CUEDC1: variants seen among roughly 807,000 people sequenced by gnomAD.
CUEDC1 encodes the protein CUE domain containing 1, also known as CUE domain-containing protein 1.
A neutral mutation model predicts 43.7 loss-of-function variants in CUEDC1; 30 were observed. The observed-to-expected ratio is 0.69, with a 90% CI of 0.51 to 0.93. The LOEUF is 0.93. CUEDC1 is among the 40% of genes least tolerant of loss of function. The pLI is 0.00. For synonymous variants in CUEDC1, 223 were observed against 223.6 expected (o/e 1.00, Z 0.02); for missense variants, 486 against 549.0 (o/e 0.89, Z 1.15).
At chr17:57,878,175 CAG>C (rs1568032267) in intron 3 of CUEDC1, among the ~76,000 whole-genome samples, 1 of 152,152 alleles carries the variant, frequency 6.6e-6, no homozygotes, top group Non-Finnish European at 1.5e-5. Context: ...CGGGAGGTGA[CAG>C]GACACAGCAG....
At chr17:57,942,033 C>G (rs1159622339) in intron 1 of CUEDC1, among the ~76,000 whole-genome samples, 1 of 152,194 alleles carries the variant, frequency 6.6e-6, no homozygotes, top group Non-Finnish European at 1.5e-5. Flanking sequence ...CATGCAACCC[C>G]TTCTTCGGTG....
intron 1 of CUEDC1, among the ~76,000 whole-genome samples, chr17:57,944,312 G>A (rs1019377614): frequency 6.6e-6 from 1 of 150,926 alleles, no homozygotes; most frequent in Non-Finnish European, 1.5e-5. Context: ...CCAGGTTCAA[G>A]TGATTCTCCT....
chr17:57,914,564 G>C (rs1241883267), intron 1 of CUEDC1, among the ~76,000 whole-genome samples: 6 of 152,194 alleles, frequency 3.9e-5, no homozygotes, highest in Admixed American at 3.9e-4. Flanking sequence ...GGGTCTGGGA[G>C]TCAGCAGTCC....
intron 1 of CUEDC1, among the ~76,000 whole-genome samples, chr17:57,905,672 A>G (rs181100474): frequency 2.2e-3 from 337 of 152,360 alleles, no homozygotes; most frequent in Non-Finnish European, 4.0e-3. Context: ...ATCCACATGC[A>G]GCCAACACCT....
intron 1 of CUEDC1, among the ~76,000 whole-genome samples, chr17:57,928,777 T>C (rs930513866): frequency 8.2e-6 from 1 of 122,130 alleles, no homozygotes; most frequent in Non-Finnish European, 1.6e-5. Flanking sequence ...CCAGCCTGCC[T>C]GGGAGACAGT....
At chr17:57,920,041 G>T (rs1451733841) in intron 1 of CUEDC1, among the ~76,000 whole-genome samples, 1 of 152,204 alleles carries the variant, frequency 6.6e-6, no homozygotes, top group Admixed American at 6.5e-5. Flanking sequence ...CAACAACGCT[G>T]CAGGAAAGAT....
At chr17:57,920,632 CT>C (rs58900177) in intron 1 of CUEDC1, among the ~76,000 whole-genome samples, 90,326 of 114,718 alleles carry the variant, frequency 0.79, 36,570 homozygotes, top group East Asian at 0.95. Context: ...TTTTTCTTTT[CT>C]TTTTTTTTTT....
chr17:57,937,815 GA>G (rs1363173300), intron 1 of CUEDC1, among the ~76,000 whole-genome samples: 2 of 152,040 alleles, frequency 1.3e-5, no homozygotes, highest in Admixed American at 6.6e-5. Context: ...GCTGAGGTGG[GA>G]AAACCCCTTG....
At chr17:57,883,766 T>C (rs1292878937) in intron 2 of CUEDC1, among the ~76,000 whole-genome samples, 2 of 152,046 alleles carry the variant, frequency 1.3e-5, no homozygotes, top group African/African-American at 4.8e-5. Context: ...ATGATACATC[T>C]AAAGCACTTA....
chr17:57,866,569 C>T, intron 9 of CUEDC1, 25 bp from the exon 10 acceptor site: 5 of 1,613,658 alleles, frequency 3.1e-6, no homozygotes, highest in Non-Finnish European at 4.2e-6. Context: ...GAAGCTGCCT[C>T]ATCCTCTACC....
chr17:57,868,398 G>A (rs983057548), intron 7 of CUEDC1, 155 bp from the exon 8 acceptor site: 4 of 665,878 alleles, frequency 6.0e-6, no homozygotes, highest in Non-Finnish European at 1.1e-5. Context: ...GAGATGACAG[G>A]AATCGCAGAC....
chr17:57,925,502 A>G (rs555556229), intron 1 of CUEDC1, among the ~76,000 whole-genome samples: 1 of 148,868 alleles, frequency 6.7e-6, no homozygotes, highest in East Asian at 1.9e-4. Context: ...AGAGTGCTCT[A>G]AAGAAGTTTG....
In CUEDC1 at chr17:57,954,281, G is replaced by A. The variant is rs968186837; in HGVS notation, c.-316+944C>T. Among the ~76,000 whole-genome samples, 6 of 152,062 alleles carry A rather than the reference G, an allele frequency of 3.9e-5. No homozygotes were observed. Among genetic ancestry groups the A allele is most frequent in the African/African-American group, 1.5e-4 (6 of 41,376 alleles). On this transcript the variant is annotated intron_variant, in intron 1 of 10. Transcript: ENST00000577830. This position sits in a 1 kb window ranked among gnomAD's most constrained non-coding sequence, Gnocchi z 4.3. ...GGATGGTCTTCTTGTATCCTCTATC[G>A]CCTCCAGGGCATCTTGTTTCTAAAC...
intron 1 of CUEDC1, among the ~76,000 whole-genome samples, chr17:57,925,804 G>C (rs1402435845): frequency 6.6e-6 from 1 of 152,230 alleles, no homozygotes; most frequent in Non-Finnish European, 1.5e-5. Flanking sequence ...CACAGCAGCT[G>C]TCTCTAAAAG....
At chr17:57,946,971 CA>C (rs1343683510) in intron 1 of CUEDC1, among the ~76,000 whole-genome samples, 2 of 152,078 alleles carry the variant, frequency 1.3e-5, no homozygotes, top group African/African-American at 2.4e-5. Flanking sequence ...GAAACTCCCC[CA>C]GCTGACCCTC....
intron 10 of CUEDC1, among the ~76,000 whole-genome samples, chr17:57,863,807 C>A (rs775691821): frequency 5.3e-5 from 8 of 151,796 alleles, no homozygotes; most frequent in Admixed American, 3.3e-4. Context: ...TTAAGACCAG[C>A]CTAACCAGCA....
intron 3 of CUEDC1, among the ~76,000 whole-genome samples, chr17:57,876,466 T>C (rs1016397464): frequency 6.6e-6 from 1 of 152,232 alleles, no homozygotes; most frequent in Non-Finnish European, 1.5e-5. Flanking sequence ...TCGGCTTCCC[T>C]AGACCCTGAT....
At chr17:57,892,488 G>C (rs2074365573) in intron 1 of CUEDC1, 2 of 152,400 alleles carry the variant, frequency 1.3e-5, no homozygotes, top group Non-Finnish European at 2.9e-5. Flanking sequence ...AGGAGGGTAA[G>C]ACTCCTCAGA....
rs753567968 is a variant in CUEDC1 at position 57,868,239 on chromosome 17, G to A, written c.945C>T (p.Thr315=). The A allele has an allele frequency of 5.6e-6, 9 of 1,614,086 alleles. No individual in the cohort carries two copies. Among genetic ancestry groups the A allele is most frequent in the Admixed American group, 1.7e-5 (1 of 60,020 alleles). Residue 315 remains threonine (T), a synonymous_variant, in exon 8 of 11, where the codon ACC becomes ACT. Transcript: ENST00000577830. ...RDKLKHMGKS[T]RRKLFELARA... is the part of the protein sequence containing the mutation. ...GGGCAAGTTCAAACAGTTTCCTCCG[G>A]GTGGCTGGGGGCAGAGAGACCTGTG...
Sources: gnomAD v4.1 joint callset for allele counts (sites outside exome capture counted in the v4.1 genomes callset) on GRCh38, gnomAD v4.1.1 for gene constraint, Gnocchi (gnomAD v3.1) non-coding constraint, MANE v1.5 for transcripts, NCBI Gene and HGNC (gene_info 2026-07-23, HGNC 2026-07-21) for gene names.